The following TAOK1 variants were observed in gnomAD, a reference collection of about 807,000 sequenced individuals.
The protein encoded by TAOK1 is TAO kinase 1, also known as serine/threonine-protein kinase TAO1.
In TAOK1, 21 loss-of-function variants were observed where a neutral mutation model predicts 138.3. The observed-to-expected ratio is 0.15, with a 90% CI of 0.11 to 0.22. The LOEUF is 0.22. Among genes scored for constraint, TAOK1 ranks in the 10% least tolerant of loss-of-function variants. TAOK1 has a pLI of 1.00. For synonymous variants in TAOK1, 361 were observed against 398.4 expected, an observed-to-expected ratio of 0.91 and a Z score of 1.12; for missense variants, 651 against 1,227.7, an observed-to-expected ratio of 0.53 and a Z score of 7.02.
chr17:29,480,321 A>G, intron 6 of TAOK1, 47 bp from the exon 7 acceptor site: 1 of 1,363,726 alleles, frequency 7.3e-7, no homozygotes, highest in South Asian at 1.3e-5. Flanking sequence ...TTTAAACATA[A>G]TCTATTGAGG....
intron 8 of TAOK1, among the ~76,000 whole-genome samples, chr17:29,489,047 T>G (rs1247041394): frequency 6.6e-6 from 1 of 152,232 alleles, no homozygotes. Context: ...AGTTTGAATG[T>G]AGTGTAGTCT....
intron 15 of TAOK1, 173 bp downstream of exon 15, chr17:29,511,165 T>A: frequency 2.5e-6 from 1 of 403,628 alleles, no homozygotes. Flanking sequence ...AACTGAGTCA[T>A]TTAGTTGAGT....
chr17:29,441,191 C>T (rs1462669337), intron 1 of TAOK1, among the ~76,000 whole-genome samples: 1 of 152,080 alleles, frequency 6.6e-6, no homozygotes, highest in Non-Finnish European at 1.5e-5. Flanking sequence ...ACTACTGGCC[C>T]ATAAAATGAG....
chr17:29,447,626 A>G (rs1164694168), intron 1 of TAOK1, among the ~76,000 whole-genome samples: 1 of 151,006 alleles, frequency 6.6e-6, no homozygotes, highest in African/African-American at 2.4e-5. Context: ...GGTGCAAGCT[A>G]CCTCACCCGG....
At chr17:29,533,209 C>T (rs1177005869) in intron 18 of TAOK1, among the ~76,000 whole-genome samples, 3 of 147,498 alleles carry the variant, frequency 2.0e-5, no homozygotes, top group African/African-American at 5.0e-5. Flanking sequence ...GATGGGGTGG[C>T]GGGGCAGAGG....
intron 1 of TAOK1, among the ~76,000 whole-genome samples, chr17:29,438,904 C>A (rs1906120310): frequency 6.6e-6 from 1 of 152,130 alleles, no homozygotes; most frequent in African/African-American, 2.4e-5. Context: ...GTAAAACTTA[C>A]TGAAAAGTTG....
At chr17:29,487,728 T>C (rs936459092) in intron 8 of TAOK1, among the ~76,000 whole-genome samples, 13 of 152,114 alleles carry the variant, frequency 8.5e-5, no homozygotes, top group African/African-American at 2.9e-4. Context: ...ATATAACTTA[T>C]TAAATAAAAT....
intron 14 of TAOK1, among the ~76,000 whole-genome samples, chr17:29,508,572 G>A (rs1326981836): frequency 6.6e-6 from 1 of 152,010 alleles, no homozygotes; most frequent in Admixed American, 6.6e-5. Context: ...TTGTTTCCTG[G>A]TTATCTGAGG....
At chr17:29,533,446 G>C (rs1427549745) in intron 18 of TAOK1, among the ~76,000 whole-genome samples, 3 of 151,986 alleles carry the variant, frequency 2.0e-5, no homozygotes, top group Admixed American at 6.5e-5. Flanking sequence ...GGTGGCGGCC[G>C]GGCAGAGGCT....
Position 29,547,774 on chromosome 17 carries a change from C to T in TAOK1, c.*4752C>T, listed in dbSNP as rs1432571586. 1 of 152,064 alleles carries T rather than the reference C, an allele frequency of 6.6e-6. No homozygotes were observed. The highest frequency in any genetic ancestry group is 6.6e-5 in the Admixed American group (1 of 15,254). The allele number at this position is 152,064 out of a possible 1,614,324, so 9.4% of individuals were successfully genotyped here. The stretch of plus-strand genomic sequence containing the variant: ...GATAGTGCCCCCAACCAGGTTGTAG[C>T]ATTGCCTTTTAAAAGAGACTCACTC... On this transcript the variant is annotated 3_prime_UTR_variant, in exon 20 of 20. Coordinates refer to ENST00000261716, the MANE Select transcript of TAOK1 (RefSeq NM_020791.4).
At chr17:29,467,378 A>G (rs1354549361) in intron 3 of TAOK1, among the ~76,000 whole-genome samples, 162 bp downstream of exon 3, 1 of 151,684 alleles carries the variant, frequency 6.6e-6, no homozygotes, top group Non-Finnish European at 1.5e-5. Context: ...AGTTCACGCC[A>G]TTCTCCTGCC....
Position 29,522,509 on chromosome 17 carries a change from A to G in TAOK1, c.2138A>G (p.Lys713Arg). Reference sequence around the variant, plus strand: ...GTCATGGAAGTTCGACAACAGCCTAAGAGTTTGAAGGTATGGTTAGCCTAA... The same window carrying G: ...GTCATGGAAGTTCGACAACAGCCTAGGAGTTTGAAGGTATGGTTAGCCTAA... ...KHVMEVRQQP[K>R]SLKSKELQIK... Residue 713 changes from lysine (K) to arginine (R), a missense_variant, in exon 17 of 20, where the codon AAG becomes AGG. By Grantham distance (26) the Lys-to-Arg change is conservative. Transcript: ENST00000261716. 1 of 1,614,248 alleles carries G rather than the reference A, an allele frequency of 6.2e-7. No individual in the cohort carries two copies. Among genetic ancestry groups the G allele is most frequent in the Non-Finnish European group, 8.5e-7 (1 of 1,180,044 alleles).
chr17:29,535,049 G>T (rs1231529606), intron 19 of TAOK1, among the ~76,000 whole-genome samples: 2 of 151,966 alleles, frequency 1.3e-5, no homozygotes, highest in East Asian at 1.9e-4. Flanking sequence ...ATTAGGCTGG[G>T]CTTAGGCCTC....
intron 9 of TAOK1, 102 bp downstream of exon 9, chr17:29,489,859 CACCTTATAAGAT>C: frequency 1.3e-6 from 1 of 744,256 alleles, no homozygotes; most frequent in Non-Finnish European, 2.1e-6. Context: ...TAAAATGTAT[CACCTTATAAGAT>C]ATTAAAATAG....
chr17:29,470,195 T>TA (rs2153025958), intron 3 of TAOK1, among the ~76,000 whole-genome samples: 1 of 152,342 alleles, frequency 6.6e-6, no homozygotes, highest in South Asian at 2.1e-4. Context: ...GGTTGCTTCT[T>TA]AAGAGTAACT....
chr17:29,534,928 G>GGTGTGTGTGTGT (rs71138832), intron 19 of TAOK1, among the ~76,000 whole-genome samples: 139 of 147,320 alleles, frequency 9.4e-4, no homozygotes, highest in African/African-American at 3.2e-3. Context: ...AGGATACTAA[G>GGTGTGTGTGTGT]GTGTGTGTGT....
chr17:29,415,321 A>T (rs1310397760), intron 1 of TAOK1, among the ~76,000 whole-genome samples: 1 of 152,172 alleles, frequency 6.6e-6, no homozygotes, highest in East Asian at 1.9e-4. Context: ...ATATTTGTAC[A>T]TTAATATGTA....
At chr17:29,436,696 T>C (rs1000319907) in intron 1 of TAOK1, among the ~76,000 whole-genome samples, 1 of 152,226 alleles carries the variant, frequency 6.6e-6, no homozygotes, top group Non-Finnish European at 1.5e-5. Context: ...TTATGATTGA[T>C]AGCAAATACG....
chr17:29,495,521 T>A, intron 10 of TAOK1, 39 bp from the exon 11 acceptor site: 1 of 1,517,758 alleles, frequency 6.6e-7, no homozygotes, highest in Non-Finnish European at 8.9e-7. Context: ...TGTCACTAAT[T>A]GAAAAAAAAA....
Sources: allele counts gnomAD v4.1 joint callset (sites outside exome capture counted in the v4.1 genomes callset), GRCh38; gene constraint gnomAD v4.1.1; transcripts MANE v1.5; gene names NCBI Gene and HGNC (gene_info 2026-07-23, HGNC 2026-07-21).